The following CRYBG1 variants were observed in gnomAD, a reference collection of about 807,000 sequenced individuals.
The protein encoded by CRYBG1 is beta/gamma crystallin domain-containing protein 1.
Under a neutral mutation model 189.2 loss-of-function variants are expected in CRYBG1, and 139 were observed. The ratio of observed to expected loss-of-function variants is 0.73; its 90% CI spans 0.64 to 0.85. The LOEUF (loss-of-function observed/expected upper bound fraction) is 0.85, where lower values mean the gene tolerates loss of function less well. Among genes scored for constraint, CRYBG1 ranks in the 40% least tolerant of loss-of-function variants. The pLI, the probability that CRYBG1 is intolerant of heterozygous loss-of-function variation, is 0.00. For synonymous variants in CRYBG1, 1,023 were observed against 1,017.1 expected (o/e 1.01, Z -0.11); for missense variants, 2,611 against 2,675.8 (o/e 0.98, Z 0.53).
chr6:106,543,943 T>G (rs2114574215), intron 11 of CRYBG1, among the ~76,000 whole-genome samples: 1 of 152,300 alleles, frequency 6.6e-6, no homozygotes, highest in South Asian at 2.1e-4. Flanking sequence ...TCCCAGCTAC[T>G]TGGGAGGCTG....
At chr6:106,459,629 G>A (rs1313168580) in intron 2 of CRYBG1, among the ~76,000 whole-genome samples, 1 of 151,198 alleles carries the variant, frequency 6.6e-6, no homozygotes, top group African/African-American at 2.4e-5. Flanking sequence ...GAATTGCTGA[G>A]TAGTGTTCCA....
rs1562102651 is a variant in CRYBG1 at position 106,521,207 on chromosome 6, C to T, written c.3999C>T (p.Tyr1333=). The change falls in exon 4 of 22, where the codon TAC becomes TAT. Residue 1333 remains tyrosine, a synonymous_variant. Transcript: ENST00000633556. ...SLKSPSHMEK[Y]PQKEKTKEDL... Reference sequence around the variant, plus strand: ...AAAGTCCAAGCCACATGGAAAAATACCCGCAAAAAGAGAAAACCAAAGAAG... The same window carrying T: ...AAAGTCCAAGCCACATGGAAAAATATCCGCAAAAAGAGAAAACCAAAGAAG... The T allele has an allele frequency of 5.0e-6, 8 of 1,614,046 alleles. No individual in the cohort carries two copies. Among genetic ancestry groups the T allele is most frequent in the Non-Finnish European group, 6.8e-6 (8 of 1,179,998 alleles).
intron 19 of CRYBG1, 35 bp downstream of exon 19, chr6:106,560,961 T>G: frequency 6.6e-7 from 1 of 1,524,586 alleles, no homozygotes; most frequent in Non-Finnish European, 8.8e-7. Flanking sequence ...GCATAGACTC[T>G]TCTCTGAAAT....
intron 1 of CRYBG1, among the ~76,000 whole-genome samples, chr6:106,448,924 A>G (rs1043205472): frequency 6.6e-6 from 1 of 152,228 alleles, no homozygotes; most frequent in Non-Finnish European, 1.5e-5. Context: ...GGAAGGAATT[A>G]TCATACCTCT....
chr6:106,472,500 T>C (rs933737168), intron 2 of CRYBG1, among the ~76,000 whole-genome samples: 52 of 151,202 alleles, frequency 3.4e-4, no homozygotes, highest in African/African-American at 1.2e-3. Context: ...AACAGTACAC[T>C]AAACATTTTT....
intron 2 of CRYBG1, among the ~76,000 whole-genome samples, chr6:106,459,133 G>C (rs1328589636): frequency 6.6e-6 from 1 of 152,168 alleles, no homozygotes; most frequent in East Asian, 1.9e-4. Context: ...CCATTTGAAG[G>C]TATTATGGTC....
intron 18 of CRYBG1, 117 bp downstream of exon 18, chr6:106,558,742 C>A: frequency 2.6e-6 from 2 of 772,100 alleles, no homozygotes; most frequent in South Asian, 3.1e-5. Context: ...GTAGAAGGAT[C>A]ATTTGAATCC....
intron 8 of CRYBG1, among the ~76,000 whole-genome samples, chr6:106,537,404 T>C (rs1209307497): frequency 6.6e-6 from 1 of 152,184 alleles, no homozygotes; most frequent in Non-Finnish European, 1.5e-5. Flanking sequence ...GAGAACAAAA[T>C]CCATGGGTAC....
chr6:106,376,724 G>A (rs921680453), intron 1 of CRYBG1, among the ~76,000 whole-genome samples: 1 of 152,122 alleles, frequency 6.6e-6, no homozygotes, highest in Non-Finnish European at 1.5e-5. Context: ...TCCACATCTT[G>A]TAACTAGTCA....
At chr6:106,514,062 G>T (rs1042591674) in intron 3 of CRYBG1, among the ~76,000 whole-genome samples, 1 of 152,172 alleles carries the variant, frequency 6.6e-6, no homozygotes. Flanking sequence ...ACTGCCAAAC[G>T]AATGTTACCA....
At chr6:106,374,619 G>A (rs1178817662) in intron 1 of CRYBG1, among the ~76,000 whole-genome samples, 4 of 152,126 alleles carry the variant, frequency 2.6e-5, no homozygotes, top group African/African-American at 9.7e-5. Flanking sequence ...TCCTCACAGA[G>A]GATGAAGAAT....
intron 1 of CRYBG1, among the ~76,000 whole-genome samples, chr6:106,366,802 A>G (rs1417545825): frequency 6.6e-6 from 1 of 152,258 alleles, no homozygotes; most frequent in Non-Finnish European, 1.5e-5. Flanking sequence ...GGTCAGTAGC[A>G]GGGGCAATAC....
chr6:106,520,419 C>T lies in CRYBG1; in HGVS notation c.3211C>T (p.Gln1071Ter), dbSNP rs757509100. ...CAGCGGAAATCACTTAGCCACTCCT[C>T]AAAGGCCAGATCAGACTGTTACAAA... is the stretch of plus-strand genomic sequence containing the variant. ...PSSGNHLATP[Q>*]RPDQTVTNGQ... The change falls in exon 4 of 22, where the codon CAA (glutamine) becomes TAA (stop). Residue 1071 changes from glutamine to a stop codon, truncating the protein, a stop_gained. Transcript: ENST00000633556. LOFTEE classifies it high-confidence loss of function. The T allele has an allele frequency of 6.2e-7, 1 of 1,614,180 alleles. No individual in the cohort carries two copies.
At chr6:106,508,662 T>A (rs1773180079) in intron 2 of CRYBG1, among the ~76,000 whole-genome samples, 1 of 152,260 alleles carries the variant, frequency 6.6e-6, no homozygotes. Context: ...CCTTTTTTAT[T>A]GCTGAATAAT....
chr6:106,525,654 G>A (rs1773722720), intron 6 of CRYBG1, among the ~76,000 whole-genome samples: 2 of 152,058 alleles, frequency 1.3e-5, no homozygotes, highest in South Asian at 4.1e-4. Context: ...CCATAATATT[G>A]TTTTGGACTA....
intron 13 of CRYBG1, among the ~76,000 whole-genome samples, chr6:106,547,827 G>T (rs1413044385): frequency 6.6e-6 from 1 of 152,148 alleles, no homozygotes; most frequent in South Asian, 2.1e-4. Flanking sequence ...AGCAACTGAG[G>T]TTTTTAGGAA....
Position 106,410,204 on chromosome 6 carries a change from G to C in CRYBG1, c.174-41490G>C, listed in dbSNP as rs149170332. 7.1e-4 allele frequency among the ~76,000 whole-genome samples: 108 copies of C among 152,318 alleles called. 1 individual carries two copies. In the East Asian group the frequency reaches 0.02, roughly 29 times the overall value. On this transcript the variant is annotated intron_variant, in intron 1 of 21. Coordinates refer to ENST00000633556, the MANE Select transcript of CRYBG1 (RefSeq NM_001371242.2). ...AAAAAACAACCCCATCAAAAAGTGGGTGAAGGATATGAACAGACACTTCTC... is the reference window on the plus strand; with the variant it reads ...AAAAAACAACCCCATCAAAAAGTGGCTGAAGGATATGAACAGACACTTCTC...
rs1459966787 is a variant in CRYBG1 at position 106,561,483 on chromosome 6, G to T, written c.6121G>T (p.Gly2041Ter). The T allele has an allele frequency of 6.8e-6, 11 of 1,613,104 alleles. No individual in the cohort carries two copies. The highest frequency in any genetic ancestry group is 9.3e-6 in the Non-Finnish European group (11 of 1,179,322). Residue 2041 changes from glycine to a stop codon, truncating the protein, a stop_gained, in exon 20 of 22, where the codon GGA becomes TGA. Coordinates refer to ENST00000633556, the MANE Select transcript of CRYBG1 (RefSeq NM_001371242.2). LOFTEE classifies it high-confidence loss of function. ...ADDQIWIYQEGCIKCRIAEDC... is the reference protein window; with the variant it reads ...ADDQIWIYQE ...TGATCAGATTTGGATCTATCAAGAA[G>T]GATGTATCAAATGCAGGGTGAGCTT...
intron 2 of CRYBG1, among the ~76,000 whole-genome samples, chr6:106,466,920 A>G (rs1009785770): frequency 6.6e-6 from 1 of 152,206 alleles, no homozygotes; most frequent in Non-Finnish European, 1.5e-5. Flanking sequence ...CAGAGATGGC[A>G]TTAGTATTTC....
Sources: allele counts gnomAD v4.1 joint callset (sites outside exome capture counted in the v4.1 genomes callset), GRCh38; gene constraint gnomAD v4.1.1; transcripts MANE v1.5; gene names NCBI Gene and HGNC (gene_info 2026-07-23, HGNC 2026-07-21).